The following SNTB1 variants were observed in gnomAD, a reference collection of about 807,000 sequenced individuals.
SNTB1 encodes beta-1-syntrophin.
SNTB1 carries 36 observed loss-of-function variants against 48.9 expected under a neutral mutation model. The ratio of observed to expected loss-of-function variants is 0.74; its 90% CI spans 0.56 to 0.97. The LOEUF (loss-of-function observed/expected upper bound fraction) is 0.97. Ranked by LOEUF, SNTB1 falls within the 50% of genes least tolerant of loss-of-function variation. The probability of loss-of-function intolerance (pLI) is 0.00; values close to 1 mark genes in which losing one functional copy is unlikely to be tolerated. For synonymous variants in SNTB1, 299 were observed against 294.6 expected (o/e 1.01, Z -0.15); for missense variants, 786 against 703.4 (o/e 1.12, Z -1.33).
At chr8:120,571,454 G>T in intron 4 of SNTB1, 1 of 469,418 alleles carries the variant, frequency 2.1e-6, no homozygotes, top group Non-Finnish European at 3.8e-6. Flanking sequence ...TGCAGTTAAG[G>T]ATGTTTACAT....
At chr8:120,774,126 GA>G (rs2130109392) in intron 1 of SNTB1, among the ~76,000 whole-genome samples, 1 of 152,352 alleles carries the variant, frequency 6.6e-6, no homozygotes, top group African/African-American at 2.4e-5. Flanking sequence ...CAAGTGGGAG[GA>G]TGATGCAACC....
intron 1 of SNTB1, among the ~76,000 whole-genome samples, chr8:120,749,719 A>G (rs1053750136): frequency 6.6e-6 from 1 of 152,108 alleles, no homozygotes; most frequent in Non-Finnish European, 1.5e-5. Context: ...TTGTCTTTAC[A>G]TTTCCGCTGC....
chr8:120,794,852 A>T (rs1405760698), intron 1 of SNTB1, among the ~76,000 whole-genome samples: 1 of 152,050 alleles, frequency 6.6e-6, no homozygotes, highest in Non-Finnish European at 1.5e-5. Context: ...GACCATGGCC[A>T]TACCTTCCCA....
At chr8:120,792,122 C>T (rs1820045901) in intron 1 of SNTB1, among the ~76,000 whole-genome samples, 1 of 151,238 alleles carries the variant, frequency 6.6e-6, no homozygotes, top group African/African-American at 2.4e-5. Context: ...CACACACACC[C>T]ACACACACAT....
At chr8:120,757,855 C>T (rs545984576) in intron 1 of SNTB1, among the ~76,000 whole-genome samples, 3 of 140,274 alleles carry the variant, frequency 2.1e-5, no homozygotes, top group African/African-American at 5.1e-5. Context: ...AATTGTGAAG[C>T]AGGGACATGT....
Position 120,693,931 on chromosome 8 carries a change from T to C in SNTB1, c.572-23A>G. On this transcript the variant is annotated intron_variant, in intron 1 of 6. Transcript: ENST00000517992. ...TCACTGCAAGGAAAAAGACAACAAGTGCTTTTAATACATCACGGCTGAATT... is the reference window on the plus strand; with the variant it reads ...TCACTGCAAGGAAAAAGACAACAAGCGCTTTTAATACATCACGGCTGAATT... The C allele has an allele frequency of 3.8e-6, 6 of 1,568,832 alleles. No homozygotes were observed. In the South Asian group the frequency reaches 6.7e-5, roughly 17 times the overall value.
intron 1 of SNTB1, among the ~76,000 whole-genome samples, chr8:120,764,673 A>T (rs1819485752): frequency 6.6e-6 from 1 of 152,164 alleles, no homozygotes; most frequent in South Asian, 2.1e-4. Context: ...ATAACAGATA[A>T]AACTCACAAA....
chr8:120,787,428 G>T (rs1055786079), intron 1 of SNTB1, among the ~76,000 whole-genome samples: 2 of 151,816 alleles, frequency 1.3e-5, no homozygotes, highest in Admixed American at 6.6e-5. Context: ...TGATTATTAA[G>T]TCACTAATGG....
intron 1 of SNTB1, among the ~76,000 whole-genome samples, chr8:120,765,010 G>A (rs1183449806): frequency 6.6e-6 from 1 of 152,156 alleles, no homozygotes; most frequent in African/African-American, 2.4e-5. Context: ...CGGATCACCT[G>A]AGGTCAGGAG....
chr8:120,553,051 G>A (rs994426177), intron 4 of SNTB1, among the ~76,000 whole-genome samples: 6 of 152,314 alleles, frequency 3.9e-5, no homozygotes, highest in African/African-American at 1.2e-4. Flanking sequence ...TGTAAATACA[G>A]ATGAAGCTTT....
chr8:120,710,084 G>A lies in SNTB1; in HGVS notation c.572-16176C>T, dbSNP rs113566375. 5.7e-3 allele frequency among the ~76,000 whole-genome samples: 866 copies of A among 152,218 alleles called. 8 individuals are homozygous for A. The highest frequency in any genetic ancestry group is 0.027 in the Middle Eastern group (8 of 294). On this transcript the variant is annotated intron_variant, in intron 1 of 6. Transcript: ENST00000517992. ...TCCATATCCTCACTATCCCCCCTCC[G>A]TTTCCGCAGACAGCCCAGGGGCAAG...
intron 1 of SNTB1, among the ~76,000 whole-genome samples, chr8:120,800,311 A>G (rs917886229): frequency 1.2e-4 from 18 of 152,262 alleles, no homozygotes; most frequent in Non-Finnish European, 1.8e-4. Context: ...TGAAAATGCC[A>G]TACAATTTCT....
chr8:120,756,624 G>T (rs1005268016), intron 1 of SNTB1, among the ~76,000 whole-genome samples: 6 of 152,140 alleles, frequency 3.9e-5, no homozygotes, highest in Non-Finnish European at 8.8e-5. Flanking sequence ...CAATGGAGTT[G>T]AATGAGTTGA....
At chr8:120,747,674 A>T (rs903498842) in intron 1 of SNTB1, among the ~76,000 whole-genome samples, 1 of 152,188 alleles carries the variant, frequency 6.6e-6, no homozygotes, top group African/African-American at 2.4e-5. Context: ...GGCCTTTCAG[A>T]GGGTGGAGAG....
At chr8:120,645,450 G>A (rs1447182400) in intron 2 of SNTB1, among the ~76,000 whole-genome samples, 1 of 151,142 alleles carries the variant, frequency 6.6e-6, no homozygotes, top group African/African-American at 2.4e-5. Flanking sequence ...TTTTTCTCAG[G>A]TTTGTCAAAG....
At chr8:120,807,409 T>C (rs1047511699) in intron 1 of SNTB1, among the ~76,000 whole-genome samples, 8 of 152,224 alleles carry the variant, frequency 5.3e-5, no homozygotes, top group African/African-American at 1.9e-4. Context: ...ACAGGTCCAA[T>C]ACCTGCATGG....
At chr8:120,748,602 A>C (rs1052457422) in intron 1 of SNTB1, among the ~76,000 whole-genome samples, 18 of 152,220 alleles carry the variant, frequency 1.2e-4, no homozygotes, top group Admixed American at 7.2e-4. Flanking sequence ...TAGAAGAAGA[A>C]ATGTGTAAGC....
At chr8:120,804,109 G>C (rs1820282496) in intron 1 of SNTB1, among the ~76,000 whole-genome samples, 1 of 152,070 alleles carries the variant, frequency 6.6e-6, no homozygotes, top group African/African-American at 2.4e-5. Context: ...CAGTCCAGTA[G>C]TATGAGTGGT....
chr8:120,535,893 G>A lies in SNTB1; in HGVS notation c.*2984C>T, dbSNP rs1815194511. On this transcript the variant is annotated 3_prime_UTR_variant, in exon 7 of 7. Transcript: ENST00000517992. ...CTGTAGCCTACTCCAATCCCCTCAA[G>A]ACGGAATATCTAACGTGTTTGGAAA... 1 of 152,054 alleles carries A rather than the reference G, an allele frequency of 6.6e-6. No homozygotes were observed. Among genetic ancestry groups the A allele is most frequent in the African/African-American group, 2.4e-5 (1 of 41,398 alleles). The allele number at this position is 152,054 out of a possible 1,614,324, so 9.4% of individuals were successfully genotyped here. A position where few individuals can be genotyped will look rare whatever the true frequency, so the allele number is the denominator to read the frequency against.
Sources: allele counts gnomAD v4.1 joint callset (sites outside exome capture counted in the v4.1 genomes callset), GRCh38; gene constraint gnomAD v4.1.1; transcripts MANE v1.5; gene names NCBI Gene and HGNC (gene_info 2026-07-23, HGNC 2026-07-21).